The following PIP5K1B variants were observed in gnomAD, a reference collection of about 807,000 sequenced individuals.
The protein encoded by PIP5K1B is phosphatidylinositol 4-phosphate 5-kinase type-1 beta.
PIP5K1B carries 42 observed loss-of-function variants against 67.0 expected under a neutral mutation model. The ratio of observed to expected loss-of-function variants is 0.63; its 90% CI spans 0.49 to 0.81. The LOEUF is 0.81. Among genes scored for constraint, PIP5K1B ranks in the 30% least tolerant of loss-of-function variants. The probability of loss-of-function intolerance (pLI) is 0.00; values close to 1 mark genes in which losing one functional copy is unlikely to be tolerated. For missense variants in PIP5K1B, 459 were observed against 646.3 expected (o/e 0.71, Z 3.14); for synonymous variants, 214 against 231.4 (o/e 0.92, Z 0.68).
chr9:68,967,183 C>T (rs553293689), intron 14 of PIP5K1B, among the ~76,000 whole-genome samples: 1 of 152,272 alleles, frequency 6.6e-6, no homozygotes, highest in African/African-American at 2.4e-5. Flanking sequence ...ATCAAGGGCA[C>T]TGTGGGAATA....
chr9:68,884,665 T>TAAAAAAAAAAAAAAAAAAA (rs71353087), intron 6 of PIP5K1B, among the ~76,000 whole-genome samples: 2 of 133,426 alleles, frequency 1.5e-5, no homozygotes, highest in African/African-American at 5.7e-5. Context: ...ACCTTGTCTT[T>TAAAAAAAAAAAAAAAAAAA]AAAAAAAAAA....
intron 8 of PIP5K1B, among the ~76,000 whole-genome samples, chr9:68,899,701 C>A (rs763174728): frequency 1.3e-5 from 2 of 152,190 alleles, no homozygotes; most frequent in Non-Finnish European, 1.5e-5. Flanking sequence ...AACAAAAGTA[C>A]ATTTATATTG....
At chr9:68,737,701 A>G (rs1828805825) in intron 1 of PIP5K1B, among the ~76,000 whole-genome samples, 1 of 152,216 alleles carries the variant, frequency 6.6e-6, no homozygotes, top group Non-Finnish European at 1.5e-5. Context: ...GTTGTTCTAT[A>G]TAGCTTTTGA....
chr9:68,799,320 CA>C (rs1404620515), intron 2 of PIP5K1B, among the ~76,000 whole-genome samples: 4 of 152,160 alleles, frequency 2.6e-5, no homozygotes, highest in African/African-American at 9.7e-5. Context: ...AACAGTTGTG[CA>C]AAAGAATGAA....
chr9:68,993,110 C>T (rs1207087085), intron 15 of PIP5K1B, among the ~76,000 whole-genome samples: 3 of 151,636 alleles, frequency 2.0e-5, no homozygotes, highest in East Asian at 3.9e-4. Context: ...TGCGGTGAGC[C>T]GAGATCACGC....
intron 14 of PIP5K1B, among the ~76,000 whole-genome samples, chr9:68,950,199 T>A (rs983723752): frequency 6.6e-6 from 1 of 152,138 alleles, no homozygotes; most frequent in Admixed American, 6.5e-5. Flanking sequence ...TCTACAGAGA[T>A]CCTTGGTTCT....
chr9:68,924,252 A>C (rs1211605442), intron 12 of PIP5K1B, among the ~76,000 whole-genome samples: 2 of 151,670 alleles, frequency 1.3e-5, no homozygotes, highest in African/African-American at 4.8e-5. Context: ...AAATACAAAA[A>C]TTAGCCAGAC....
chr9:68,841,384 A>G (rs1821911516), intron 4 of PIP5K1B, among the ~76,000 whole-genome samples: 1 of 152,156 alleles, frequency 6.6e-6, no homozygotes, highest in Non-Finnish European at 1.5e-5. Flanking sequence ...TTGCTATATT[A>G]TTTCTTTGGT....
At chr9:68,809,801 C>T (rs957135123) in intron 2 of PIP5K1B, among the ~76,000 whole-genome samples, 1 of 152,180 alleles carries the variant, frequency 6.6e-6, no homozygotes, top group Admixed American at 6.5e-5. Context: ...CACAGGCTGA[C>T]TTATGCAGTT....
intron 1 of PIP5K1B, among the ~76,000 whole-genome samples, chr9:68,720,014 T>G (rs1827812035): frequency 6.6e-6 from 1 of 152,242 alleles, no homozygotes; most frequent in South Asian, 2.1e-4. Context: ...GTCCGCCTCC[T>G]TACTGAAAGG....
chr9:68,732,921 G>C (rs557438689), intron 1 of PIP5K1B, among the ~76,000 whole-genome samples: 8 of 151,868 alleles, frequency 5.3e-5, no homozygotes, highest in East Asian at 1.9e-4. Flanking sequence ...TGGGTTGGGG[G>C]GGGGGCGGCG....
At chr9:68,744,292 C>T (rs1829164496) in intron 2 of PIP5K1B, among the ~76,000 whole-genome samples, 2 of 152,162 alleles carry the variant, frequency 1.3e-5, no homozygotes, top group Admixed American at 6.5e-5. Context: ...TATAATCTGC[C>T]TTGAACAAAT....
At chr9:68,913,487 C>T (rs184871593) in intron 8 of PIP5K1B, among the ~76,000 whole-genome samples, 10 of 152,292 alleles carry the variant, frequency 6.6e-5, no homozygotes, top group Non-Finnish European at 8.8e-5. Flanking sequence ...ATATGAGTAA[C>T]GGAACTATTT....
In PIP5K1B at chr9:68,889,025, A is replaced by G. The variant is rs1395258822; in HGVS notation, c.363A>G (p.Gly121=). ...SEPLIELSNP[G]ASGSLFFVTS... is the part of the protein sequence containing the mutation. Reference sequence around the variant, plus strand: ...CTCTAATAGAACTGTCTAACCCTGGAGCCAGTGGATCCTTGTTTTTTGTGA... The same window carrying G: ...CTCTAATAGAACTGTCTAACCCTGGGGCCAGTGGATCCTTGTTTTTTGTGA... The change falls in exon 7 of 16, where the codon GGA becomes GGG. Residue 121 remains glycine (G), a synonymous_variant. Coordinates refer to ENST00000265382, the MANE Select transcript of PIP5K1B (RefSeq NM_003558.4). 82 of 1,612,306 alleles carry G rather than the reference A, an allele frequency of 5.1e-5. No individual in the cohort carries two copies. Among genetic ancestry groups the G allele is most frequent in the Non-Finnish European group, 6.8e-5 (80 of 1,178,498 alleles).
At chr9:69,003,164 A>T (rs1830899665) in intron 15 of PIP5K1B, among the ~76,000 whole-genome samples, 2 of 152,118 alleles carry the variant, frequency 1.3e-5, no homozygotes, top group African/African-American at 4.8e-5. Context: ...GGATGAGTTG[A>T]TGTGATCTCA....
intron 14 of PIP5K1B, among the ~76,000 whole-genome samples, chr9:68,972,342 G>A (rs929443472): frequency 6.6e-6 from 1 of 152,114 alleles, no homozygotes; most frequent in African/African-American, 2.4e-5. Context: ...TTCCATTGGT[G>A]TATATATCTG....
At chr9:68,848,962 A>G (rs1822340895) in intron 4 of PIP5K1B, among the ~76,000 whole-genome samples, 1 of 152,238 alleles carries the variant, frequency 6.6e-6, no homozygotes, top group Admixed American at 6.5e-5. Flanking sequence ...AATATTGATG[A>G]TACTGGTATT....
At chr9:68,877,651 T>C (rs1005321448) in intron 6 of PIP5K1B, among the ~76,000 whole-genome samples, 1 of 152,240 alleles carries the variant, frequency 6.6e-6, no homozygotes, top group Admixed American at 6.5e-5. Flanking sequence ...GTGCTTAATA[T>C]GCATCTTATA....
At chr9:68,870,060 A>G (rs898249396) in intron 5 of PIP5K1B, among the ~76,000 whole-genome samples, 18 of 152,184 alleles carry the variant, frequency 1.2e-4, no homozygotes, top group Admixed American at 2.0e-4. Context: ...CTGATTTCCT[A>G]TTACTAAAAG....
Sources: gnomAD v4.1 joint callset for allele counts (sites outside exome capture counted in the v4.1 genomes callset) on GRCh38, gnomAD v4.1.1 for gene constraint, MANE v1.5 for transcripts, NCBI Gene and HGNC (gene_info 2026-07-23, HGNC 2026-07-21) for gene names.